The following KHDC1 variants were observed in gnomAD, a reference collection of about 807,000 sequenced individuals.
The protein encoded by KHDC1 is KH homology domain-containing protein 1.
KHDC1 carries 21 observed loss-of-function variants against 24.7 expected under a neutral mutation model. That is an observed-to-expected ratio of 0.85 (90% confidence interval 0.60 to 1.23). The LOEUF is 1.23. Among genes scored for constraint, KHDC1 ranks in the 50% most tolerant of loss-of-function variants. The pLI, the probability that KHDC1 is intolerant of heterozygous loss-of-function variation, is 0.00. For missense variants in KHDC1, 274 were observed against 298.5 expected (o/e 0.92, Z 0.61); for synonymous variants, 98 against 111.7 (o/e 0.88, Z 0.77).
chr6:73,258,217 T>A (rs1251847816), intron 2 of KHDC1, among the ~76,000 whole-genome samples: 1 of 152,218 alleles, frequency 6.6e-6, no homozygotes, highest in African/African-American at 2.4e-5. Context: ...ATCGTGCCAC[T>A]GCACTCCAGC....
chr6:73,254,467 AAAATAAATAAATAAAT>A (rs199968966), intron 2 of KHDC1, among the ~76,000 whole-genome samples: 2,330 of 140,586 alleles, frequency 0.017, 46 homozygotes, highest in African/African-American at 0.05. Flanking sequence ...TCTTAAAATA[AAAATAAATAAATAAAT>A]AAATAAATAA....
chr6:73,309,835 G>C (rs1768047314), exon 1 of KHDC1: 1 of 1,245,502 alleles, frequency 8.0e-7, no homozygotes, highest in South Asian at 1.4e-5. Context: ...CGAAGTTCAG[G>C]ACGCGAAGGA....
chr6:73,302,290 A>G (rs1184864346), intron 1 of KHDC1, among the ~76,000 whole-genome samples: 1 of 152,182 alleles, frequency 6.6e-6, no homozygotes, highest in Non-Finnish European at 1.5e-5. Context: ...CTCTGTCTCA[A>G]AAAAATAGAT....
At chr6:73,295,676 T>A (rs1767745558) in intron 1 of KHDC1, among the ~76,000 whole-genome samples, 1 of 151,646 alleles carries the variant, frequency 6.6e-6, no homozygotes, top group Non-Finnish European at 1.5e-5. Flanking sequence ...TGAAACCCCA[T>A]CTTTACTAAT....
At chr6:73,242,194 G>A (rs1766584533) in exon 4 of KHDC1, 2 of 1,614,144 alleles carry the variant, frequency 1.2e-6, no homozygotes, top group Middle Eastern at 3.3e-4. Flanking sequence ...GAATAAGGGT[G>A]TGGCTGTGCA....
chr6:73,257,292 A>T (rs1336698029), intron 2 of KHDC1, among the ~76,000 whole-genome samples: 1 of 152,138 alleles, frequency 6.6e-6, no homozygotes, highest in East Asian at 1.9e-4. Flanking sequence ...AGTTCGTCTC[A>T]AAAGAACAAA....
intron 2 of KHDC1, among the ~76,000 whole-genome samples, chr6:73,250,086 T>C (rs1435738459): frequency 6.6e-6 from 1 of 152,218 alleles, no homozygotes; most frequent in East Asian, 1.9e-4. Context: ...GCATGGCTTC[T>C]CATGTTCCCA....
intron 2 of KHDC1, among the ~76,000 whole-genome samples, chr6:73,280,891 A>G (rs530131956): frequency 2.6e-4 from 40 of 151,892 alleles, no homozygotes; most frequent in Non-Finnish European, 5.2e-4. Flanking sequence ...CTGTGATCAT[A>G]TATCTTCTTC....
intron 1 of KHDC1, chr6:73,292,833 A>C: frequency 1.4e-6 from 1 of 710,008 alleles, no homozygotes; most frequent in East Asian, 3.0e-5. Context: ...GAATTTGTTG[A>C]ATGCTTATAG....
intron 2 of KHDC1, among the ~76,000 whole-genome samples, chr6:73,261,596 CCT>C (rs1221494446): frequency 6.6e-6 from 1 of 151,566 alleles, no homozygotes; most frequent in Non-Finnish European, 1.5e-5. Flanking sequence ...ATGGTGAAAC[CCT>C]GTCACTATAA....
At chr6:73,279,387 G>T (rs143703371) in intron 2 of KHDC1, among the ~76,000 whole-genome samples, 1 of 151,968 alleles carries the variant, frequency 6.6e-6, no homozygotes, top group Admixed American at 6.6e-5. Context: ...GTGACAGACC[G>T]AGCCTGTCTC....
chr6:73,281,603 G>T (rs1180502172), intron 2 of KHDC1, among the ~76,000 whole-genome samples: 3 of 139,210 alleles, frequency 2.2e-5, no homozygotes, highest in Non-Finnish European at 4.5e-5. Context: ...GGCAGTAAGA[G>T]TGAAACTTCG....
intron 2 of KHDC1, among the ~76,000 whole-genome samples, chr6:73,281,982 C>T (rs1041066354): frequency 4.0e-5 from 6 of 151,800 alleles, no homozygotes; most frequent in African/African-American, 9.7e-5. Context: ...CTTTGGGAGG[C>T]CAAGGTGGGT....
intron 2 of KHDC1, among the ~76,000 whole-genome samples, chr6:73,273,388 G>A (rs1195962811): frequency 8.6e-5 from 13 of 151,704 alleles, no homozygotes; most frequent in Admixed American, 5.9e-4. Context: ...GGCTGGTCTC[G>A]AACTCCTGAC....
At position 73,282,695 on chromosome 6, in the gene KHDC1, C is replaced by G. The variant is rs185652855; in HGVS notation, c.206+9303G>C. ...ACCCTGCACTTGATGGATCAGCTGG[C>G]ACCACCACCCAGATCGATAAACTGG... is the stretch of plus-strand genomic sequence containing the variant. On this transcript the variant is annotated intron_variant, in intron 2 of 4. Transcript: ENST00000370384. Among the ~76,000 whole-genome samples, 201 of 152,304 alleles carry G rather than the reference C, an allele frequency of 1.3e-3. 1 individual carries two copies. The highest frequency in any genetic ancestry group is 4.4e-3 in the African/African-American group (183 of 41,564).
intron 1 of KHDC1, among the ~76,000 whole-genome samples, chr6:73,294,366 T>C (rs1360336200): frequency 6.6e-6 from 1 of 151,864 alleles, no homozygotes; most frequent in Non-Finnish European, 1.5e-5. Context: ...AGATGAAGAC[T>C]TAAAAAAAAA....
chr6:73,298,625 G>A (rs1180952825), intron 1 of KHDC1, among the ~76,000 whole-genome samples: 1 of 151,368 alleles, frequency 6.6e-6, no homozygotes, highest in African/African-American at 2.4e-5. Context: ...TAGTACAGAC[G>A]GGGTTTCACC....
intron 1 of KHDC1, among the ~76,000 whole-genome samples, chr6:73,305,282 TAAAG>T (rs1161346012): frequency 6.6e-6 from 1 of 151,854 alleles, no homozygotes; most frequent in African/African-American, 2.4e-5. Flanking sequence ...AGAGAGATAA[TAAAG>T]AAACAAATTT....
intron 1 of KHDC1, chr6:73,299,957 C>T (rs1767837585): frequency 1.3e-5 from 2 of 152,272 alleles, no homozygotes. Context: ...AGGCCCTAGG[C>T]TGGTTCCCCA....
Sources: allele counts gnomAD v4.1 joint callset (sites outside exome capture counted in the v4.1 genomes callset), GRCh38; gene constraint gnomAD v4.1.1; transcripts MANE v1.5; gene names NCBI Gene and HGNC (gene_info 2026-07-23, HGNC 2026-07-21).